The following SLC24A2 variants were observed in gnomAD, a reference collection of about 807,000 sequenced individuals.
SLC24A2 encodes solute carrier family 24 member 2.
Under a neutral mutation model 62.0 loss-of-function variants are expected in SLC24A2, and 36 were observed. The observed-to-expected ratio is 0.58, with a 90% CI of 0.44 to 0.77. SLC24A2 has a LOEUF of 0.77. SLC24A2 is among the 30% of genes least tolerant of loss of function. The pLI is 0.00. For missense variants in SLC24A2, 846 were observed against 817.9 expected, an observed-to-expected ratio of 1.03 and a Z score of -0.42; for synonymous variants, 358 against 294.0, an observed-to-expected ratio of 1.22 and a Z score of -2.23.
At chr9:19,911,431 C>T in the SLC24A2 span, among the ~76,000 whole-genome samples, 9 of 151,936 alleles carry the variant, frequency 5.9e-5, no homozygotes, top group South Asian at 2.1e-4. Context: ...GGGTATATAC[C>T]CAGTAATGGG....
At chr9:19,860,192 C>G in the SLC24A2 span, among the ~76,000 whole-genome samples, 15 of 152,268 alleles carry the variant, frequency 9.9e-5, no homozygotes, top group Non-Finnish European at 2.2e-4. Context: ...AGACCCCTTC[C>G]TTTGCCTGAG....
At chr9:20,045,955 A>T in the SLC24A2 span, among the ~76,000 whole-genome samples, 1 of 152,164 alleles carries the variant, frequency 6.6e-6, no homozygotes, top group African/African-American at 2.4e-5. Context: ...TGGAGAGAAC[A>T]ACTAGTGCAA....
At chr9:20,068,575 C>A in the SLC24A2 span, among the ~76,000 whole-genome samples, 49 of 152,220 alleles carry the variant, frequency 3.2e-4, 1 homozygote, top group Non-Finnish European at 6.2e-4. Flanking sequence ...AACATTCAAG[C>A]TAAGTCTCTC....
chr9:19,903,870 G>C, the SLC24A2 span, among the ~76,000 whole-genome samples: 8 of 152,150 alleles, frequency 5.3e-5, no homozygotes, highest in Admixed American at 3.3e-4. Context: ...AGGTAACCCA[G>C]GTATTCTCCC....
chr9:20,262,956 C>G, the SLC24A2 span, among the ~76,000 whole-genome samples: 1 of 152,050 alleles, frequency 6.6e-6, no homozygotes, highest in Non-Finnish European at 1.5e-5. Flanking sequence ...CTTGGCAGAG[C>G]GGCACTTGGT....
the SLC24A2 span, among the ~76,000 whole-genome samples, chr9:20,242,907 C>G: frequency 1.3e-5 from 2 of 152,140 alleles, no homozygotes; most frequent in African/African-American, 4.8e-5. Flanking sequence ...TGTTCTTCAG[C>G]CTTTGAAAAA....
At chr9:19,615,994 G>GCACACACACA (rs3220155) in intron 4 of SLC24A2, among the ~76,000 whole-genome samples, 104 of 140,904 alleles carry the variant, frequency 7.4e-4, no homozygotes, top group African/African-American at 1.4e-3. Flanking sequence ...TCACAGGCGT[G>GCACACACACA]CACACACACA....
chr9:20,101,173 G>A, the SLC24A2 span, among the ~76,000 whole-genome samples: 1 of 152,170 alleles, frequency 6.6e-6, no homozygotes, highest in South Asian at 2.1e-4. Context: ...TTTCATTTAA[G>A]GTCTCAGTGA....
the SLC24A2 span, among the ~76,000 whole-genome samples, chr9:20,192,733 C>A: frequency 6.6e-6 from 1 of 152,174 alleles, no homozygotes; most frequent in African/African-American, 2.4e-5. Flanking sequence ...ATTGAAATCT[C>A]TGGGCCTGGG....
the SLC24A2 span, among the ~76,000 whole-genome samples, chr9:19,875,171 T>C: frequency 6.6e-6 from 1 of 152,214 alleles, no homozygotes; most frequent in African/African-American, 2.4e-5. Context: ...CAGATTATAC[T>C]GAACAAGCTT....
At chr9:19,959,221 G>C in the SLC24A2 span, among the ~76,000 whole-genome samples, 1 of 152,180 alleles carries the variant, frequency 6.6e-6, no homozygotes, top group African/African-American at 2.4e-5. Flanking sequence ...CTGGGAATTG[G>C]AAAGAAGAAA....
At position 19,573,946 on chromosome 9, in the gene SLC24A2, C is replaced by T. The variant is rs532267703; in HGVS notation, c.1229-477G>A. Among the ~76,000 whole-genome samples the T allele has an allele frequency of 8.1e-4, 123 of 152,260 alleles. 2 individuals are homozygous for T. The South Asian group carries it at 0.023, about 29-fold the overall frequency. On this transcript the variant is annotated intron_variant, in intron 6 of 10. Coordinates refer to ENST00000341998, the MANE Select transcript of SLC24A2 (RefSeq NM_020344.4). ...TTCAGATATTTTCTTACAGTAATAT[C>T]GTTTCTTTGATACTGTACTCTGGAA...
the SLC24A2 span, among the ~76,000 whole-genome samples, chr9:20,194,163 C>G: frequency 3.9e-5 from 6 of 152,034 alleles, no homozygotes; most frequent in African/African-American, 1.4e-4. Flanking sequence ...GATTTAGATG[C>G]TCAAACATGA....
the SLC24A2 span, among the ~76,000 whole-genome samples, chr9:20,192,122 C>G: frequency 2.6e-5 from 4 of 152,082 alleles, no homozygotes; most frequent in African/African-American, 4.8e-5. Flanking sequence ...ATTCCAGCTG[C>G]TAGAAGAGCA....
intron 2 of SLC24A2, among the ~76,000 whole-genome samples, chr9:19,746,103 T>TC (rs1361222933): frequency 1.3e-5 from 2 of 151,770 alleles, no homozygotes; most frequent in Non-Finnish European, 2.9e-5. Flanking sequence ...TGTTTTTTTT[T>TC]CTCTCTTTTT....
At chr9:20,018,729 T>C in the SLC24A2 span, among the ~76,000 whole-genome samples, 1 of 152,062 alleles carries the variant, frequency 6.6e-6, no homozygotes, top group Non-Finnish European at 1.5e-5. Flanking sequence ...CATCCCCTGA[T>C]TGAGGTAGGT....
At chr9:20,230,830 A>T in the SLC24A2 span, among the ~76,000 whole-genome samples, 10 of 152,162 alleles carry the variant, frequency 6.6e-5, no homozygotes, top group East Asian at 1.5e-3. Context: ...CTGAATGGTA[A>T]TGCCTAGGTT....
chr9:19,881,601 A>G, the SLC24A2 span, among the ~76,000 whole-genome samples: 2 of 152,232 alleles, frequency 1.3e-5, no homozygotes, highest in African/African-American at 2.4e-5. Context: ...CCGAGGGCAC[A>G]GCAAATTCAC....
the SLC24A2 span, among the ~76,000 whole-genome samples, chr9:20,034,104 T>C: frequency 2.0e-5 from 3 of 152,090 alleles, no homozygotes; most frequent in Non-Finnish European, 4.4e-5. Context: ...TTGCCAAAGA[T>C]CTAAAAAGGA....
Sources: gnomAD v4.1 joint callset for allele counts (sites outside exome capture counted in the v4.1 genomes callset) on GRCh38, gnomAD v4.1.1 for gene constraint, MANE v1.5 for transcripts, NCBI Gene and HGNC (gene_info 2026-07-23, HGNC 2026-07-21) for gene names.